Variants in RABL2A observed in about 807,000 individuals in gnomAD.
RABL2A encodes the protein rab-like protein 2A.
RABL2A carries 17 observed loss-of-function variants against 30.7 expected under a neutral mutation model. The ratio of observed to expected loss-of-function variants is 0.55; its 90% CI spans 0.38 to 0.83. RABL2A has a LOEUF of 0.83. Among genes scored for constraint, RABL2A ranks in the 40% least tolerant of loss-of-function variants. RABL2A has a pLI of 0.00. For missense variants in RABL2A, 155 were observed against 272.6 expected, an observed-to-expected ratio of 0.57 and a Z score of 3.04; for synonymous variants, 64 against 101.8, an observed-to-expected ratio of 0.63 and a Z score of 2.24.
intron 2 of RABL2A, among the ~76,000 whole-genome samples, chr2:113,629,125 G>T (rs1679264721): frequency 6.7e-6 from 1 of 148,776 alleles, no homozygotes; most frequent in African/African-American, 2.6e-5. Context: ...TAGAACTGAC[G>T]ATTGACTATA....
rs1259593484 is a variant in RABL2A, at chr2:113,641,420, C to G, written c.477C>G (p.Val159=). Residue 159 remains valine (V), a synonymous_variant, in exon 7 of 9, where the codon GTC becomes GTG. Transcript: ENST00000683472. ...AGTTCTCCCTGCCCCTGTATTTCGT[C>G]TCGGCTGCTGATGGTACCAATGTTG... ...AKKFSLPLYF[V]SAADGTNVVK... is the part of the protein sequence containing the mutation. The G allele has an allele frequency of 6.2e-7, 1 of 1,611,884 alleles. No homozygotes were observed. Among genetic ancestry groups the G allele is most frequent in the Non-Finnish European group, 8.5e-7 (1 of 1,179,304 alleles).
intron 5 of RABL2A, among the ~76,000 whole-genome samples, chr2:113,639,570 G>A (rs1684310201): frequency 6.6e-6 from 1 of 151,320 alleles, no homozygotes; most frequent in Non-Finnish European, 1.5e-5. Context: ...TGCAGTGGCA[G>A]TGAGCCAAGA....
At chr2:113,629,503 C>G (rs1257115381) in intron 2 of RABL2A, among the ~76,000 whole-genome samples, 1 of 151,996 alleles carries the variant, frequency 6.6e-6, no homozygotes, top group African/African-American at 2.4e-5. Flanking sequence ...CTCTTCCCCA[C>G]CACACAATCA....
At position 113,640,955 on chromosome 2, in the gene RABL2A, G is replaced by A. The variant is rs564553154; in HGVS notation, c.359G>A (p.Arg120Gln). 634 of 1,613,642 alleles carry A rather than the reference G, an allele frequency of 3.9e-4. No individual in the cohort carries two copies. The highest frequency in any genetic ancestry group is 5.0e-4 in the Admixed American group (30 of 60,000). The change falls in exon 6 of 9, where the codon CGG (arginine) becomes CAG (glutamine). Residue 120 changes from arginine to glutamine, a missense_variant. Transcript: ENST00000683472. The part of the protein sequence containing the change: ...RNLSTWYTEL[R>Q]EFRPEIPCIV... ...CTGAGCACCTGGTATACAGAGCTTCGGGAGTTCAGGCCAGAGATCCCATGC... is the reference window on the plus strand; with the variant it reads ...CTGAGCACCTGGTATACAGAGCTTCAGGAGTTCAGGCCAGAGATCCCATGC...
Position 113,635,123 on chromosome 2 carries a change from G to A in RABL2A, c.290G>A (p.Cys97Tyr), listed in dbSNP as rs1682045429. 1.2e-6 allele frequency: 2 copies of A among 1,614,212 alleles called. No homozygotes were observed. The highest frequency in any genetic ancestry group is 1.7e-6 in the Non-Finnish European group (2 of 1,180,036). ...HASYYHKAHACIMVFDIQRKV... is the reference protein window; with the variant it reads ...HASYYHKAHAYIMVFDIQRKV... ...TCCTACTACCACAAGGCCCATGCCT[G>A]CATCATGGTACGAGACGGTGGGGAG... is the stretch of plus-strand genomic sequence containing the variant. The change falls in exon 5 of 9, where the codon TGC becomes TAC. Residue 97 changes from cysteine (C) to tyrosine (Y), a missense_variant. By Grantham distance (194) the Cys-to-Tyr change is radical. Around this residue, in one of 5 missense-constraint regions of RABL2A, gnomAD observed 82 missense variants for 103.2 expected, o/e 0.79. Transcript: ENST00000683472.
At chr2:113,636,857 C>T (rs1353187844) in intron 5 of RABL2A, among the ~76,000 whole-genome samples, 9 of 151,860 alleles carry the variant, frequency 5.9e-5, no homozygotes, top group East Asian at 1.9e-4. Flanking sequence ...GGCGTGGTAG[C>T]GGGCGCCTGT....
At chr2:113,631,583 A>G (rs1177298943) in intron 2 of RABL2A, among the ~76,000 whole-genome samples, 12 of 152,132 alleles carry the variant, frequency 7.9e-5, no homozygotes, top group Admixed American at 7.9e-4. Flanking sequence ...GAGCCTCCGG[A>G]GGTAGGCCTG....
At position 113,643,153 on chromosome 2, in the gene RABL2A, C is replaced by A; in HGVS notation, c.*1024C>A. On this transcript the variant is annotated 3_prime_UTR_variant, in exon 9 of 9. Transcript: ENST00000683472. ...TACAAGAAGAGCTTCCTTTAAAGTTCCTATTTCAGCATAAAGAGGCTGTCC... is the reference window on the plus strand; with the variant it reads ...TACAAGAAGAGCTTCCTTTAAAGTTACTATTTCAGCATAAAGAGGCTGTCC... 2.2e-6 allele frequency: 1 copy of A among 454,978 alleles called. No individual in the cohort carries two copies. Among genetic ancestry groups the A allele is most frequent in the Non-Finnish European group, 4.4e-6 (1 of 226,408 alleles). The allele number at this position is 454,978 out of a possible 1,614,324, so 28.2% of individuals were successfully genotyped here.
At chr2:113,638,570 A>G (rs1479718248) in intron 5 of RABL2A, 1 of 985,092 alleles carries the variant, frequency 1.0e-6, no homozygotes, top group Non-Finnish European at 1.2e-6. Flanking sequence ...CTGATATTTT[A>G]AAATAGGTAG....
chr2:113,628,450 C>T (rs1678970425), intron 1 of RABL2A, 104 bp from the exon 2 acceptor site: 1 of 1,074,978 alleles, frequency 9.3e-7, no homozygotes. Flanking sequence ...CATACCATAT[C>T]TCAGTCTGGC....
At chr2:113,636,147 A>G (rs1233776406) in intron 5 of RABL2A, among the ~76,000 whole-genome samples, 1 of 152,030 alleles carries the variant, frequency 6.6e-6, no homozygotes, top group Non-Finnish European at 1.5e-5. Context: ...GCCATCAACA[A>G]TGCAGAAAGT....
chr2:113,637,835 G>C (rs958464596), intron 5 of RABL2A: 1 of 1,279,882 alleles, frequency 7.8e-7, no homozygotes, highest in African/African-American at 1.5e-5. Flanking sequence ...CTGCATCTCC[G>C]TGGGCTCCCC....
chr2:113,627,738 G>A, intron 1 of RABL2A: 1 of 254,848 alleles, frequency 3.9e-6, no homozygotes, highest in Non-Finnish European at 7.4e-6. Flanking sequence ...AGCCGTGATC[G>A]CGCCACTGCA....
rs527779749 is a variant in RABL2A at position 113,627,304 on chromosome 2, G to T, written c.-150G>T. 2 of 112,146 alleles carry T rather than the reference G, an allele frequency of 1.8e-5. 1 individual carries two copies. Among genetic ancestry groups the T allele is most frequent in the South Asian group, 5.9e-4 (2 of 3,390 alleles). 6.9% of individuals were successfully genotyped at this position (112,146 alleles called of 1,614,324 possible). ...GCTGCGGTGCGAGCTGGGCCGGCGG[G>T]GTGGTTCGAGAGCGCGCAGAGTCCA... is the stretch of plus-strand genomic sequence containing the variant. On this transcript the variant is annotated 5_prime_UTR_variant, in exon 1 of 9. Transcript: ENST00000683472.
chr2:113,631,795 T>A (rs1007630197), intron 2 of RABL2A, among the ~76,000 whole-genome samples: 3 of 151,868 alleles, frequency 2.0e-5, no homozygotes, highest in Non-Finnish European at 4.4e-5. Flanking sequence ...GGATCTCTCC[T>A]CTTCCTCCTG....
chr2:113,637,465 G>C, intron 5 of RABL2A: 1 of 1,112,342 alleles, frequency 9.0e-7, no homozygotes, highest in Non-Finnish European at 1.1e-6. Context: ...CACACGTGCT[G>C]CCCCCAGGAA....
chr2:113,633,889 T>G (rs1264504376), intron 3 of RABL2A: 8 of 555,134 alleles, frequency 1.4e-5, no homozygotes, highest in Non-Finnish European at 2.4e-5. Flanking sequence ...GACACTTGTC[T>G]GTAAAATCCT....
intron 5 of RABL2A, chr2:113,638,159 C>T (rs1176293027): frequency 1.0e-6 from 1 of 985,338 alleles, no homozygotes; most frequent in African/African-American, 1.7e-5. Flanking sequence ...AGTTTAGTTA[C>T]AGACATCCTT....
Position 113,634,344 on chromosome 2 carries a change from C to G in RABL2A, c.217+112C>G. On this transcript the variant is annotated intron_variant, in intron 4 of 8. Transcript: ENST00000683472. ...GAGTCCAGAGGGAGAAAATGAGACC[C>G]CAGGCAGGGACAAGGGGTGCTAGAG... 3 of 1,438,080 alleles carry G rather than the reference C, an allele frequency of 2.1e-6. No individual in the cohort carries two copies. In the South Asian group the frequency reaches 3.8e-5, roughly 18 times the overall value. The allele number at this position is 1,438,080 out of a possible 1,614,324, so 89.1% of individuals were successfully genotyped here.
Sources: gnomAD v4.1 joint callset for allele counts (sites outside exome capture counted in the v4.1 genomes callset) on GRCh38, gnomAD v4.1.1 for gene constraint, gnomAD v4.1.1 regional missense constraint, MANE v1.5 for transcripts, NCBI Gene and HGNC (gene_info 2026-07-23, HGNC 2026-07-21) for gene names.